Variants in VTI1A observed in about 807,000 individuals in gnomAD.
VTI1A encodes vesicle transport through interaction with t-SNAREs homolog 1A.
Under a neutral mutation model 34.9 loss-of-function variants are expected in VTI1A, and 22 were observed. The observed-to-expected ratio is 0.63, with a 90% CI of 0.45 to 0.90. The LOEUF is 0.90. Ranked by LOEUF, VTI1A falls within the 40% of genes least tolerant of loss-of-function variation. The pLI is 0.00. For synonymous variants in VTI1A, 87 were observed against 97.3 expected, an observed-to-expected ratio of 0.89 and a Z score of 0.62; for missense variants, 268 against 275.6, an observed-to-expected ratio of 0.97 and a Z score of 0.20.
At chr10:112,748,727 G>A (rs760016807) in intron 7 of VTI1A, among the ~76,000 whole-genome samples, 9 of 143,692 alleles carry the variant, frequency 6.3e-5, no homozygotes, top group Non-Finnish European at 1.2e-4. Flanking sequence ...CCGGGTTCAC[G>A]CCATTCTCCT....
chr10:112,517,081 C>G (rs1168212236), intron 3 of VTI1A, among the ~76,000 whole-genome samples: 1 of 151,856 alleles, frequency 6.6e-6, no homozygotes, highest in East Asian at 1.9e-4. Flanking sequence ...AGGACGGAGA[C>G]CTAGGGGAAC....
At chr10:112,790,763 CG>C (rs911980933) in intron 7 of VTI1A, among the ~76,000 whole-genome samples, 10 of 125,736 alleles carry the variant, frequency 8.0e-5, no homozygotes, top group Admixed American at 1.7e-4. Flanking sequence ...CACTAAAAGA[CG>C]TTTTTTTTTT....
intron 1 of VTI1A, among the ~76,000 whole-genome samples, chr10:112,454,517 C>A (rs1847357688): frequency 6.6e-6 from 1 of 151,994 alleles, no homozygotes; most frequent in African/African-American, 2.4e-5. Flanking sequence ...TGGGAGGACA[C>A]CTTGAACCCA....
intron 5 of VTI1A, among the ~76,000 whole-genome samples, chr10:112,595,473 A>C (rs973964312): frequency 2.6e-5 from 4 of 152,112 alleles, no homozygotes; most frequent in East Asian, 1.9e-4. Context: ...AAGAAAAAAA[A>C]CAAACAACCC....
Position 112,815,670 on chromosome 10 carries a change from C to A in VTI1A, c.*287C>A. 1 of 438,224 alleles carries A rather than the reference C, an allele frequency of 2.3e-6. No individual in the cohort carries two copies. The highest frequency in any genetic ancestry group is 4.2e-6 in the Non-Finnish European group (1 of 236,358). 27.1% of individuals were successfully genotyped at this position (438,224 alleles called of 1,614,324 possible). On this transcript the variant is annotated 3_prime_UTR_variant, in exon 8 of 8. Transcript: ENST00000393077. ...TGTCATCAACTAGCCAAAATAGCCC[C>A]AGTGACACTCCTAGCCCTCTGGACG...
chr10:112,769,133 T>G (rs1454772801), intron 7 of VTI1A, among the ~76,000 whole-genome samples: 2 of 152,098 alleles, frequency 1.3e-5, no homozygotes, highest in African/African-American at 4.8e-5. Context: ...CCAAATAAAT[T>G]TTGTGTGAAA....
intron 1 of VTI1A, among the ~76,000 whole-genome samples, chr10:112,456,732 C>T (rs545483513): frequency 6.6e-6 from 1 of 152,286 alleles, no homozygotes; most frequent in East Asian, 1.9e-4. Context: ...GCTGCCCTGC[C>T]CTCTGTAGGT....
rs1250394926 is a variant in VTI1A at position 112,816,809 on chromosome 10, G to GA, written c.*1427dup. On this transcript the variant is annotated 3_prime_UTR_variant, in exon 8 of 8. Coordinates refer to ENST00000393077, the MANE Select transcript of VTI1A (RefSeq NM_145206.4). Reference sequence around the variant, plus strand: ...TCAATATCACCTGGATGTAGTGCTTGATATTTTTCCCAACTCAGAAGAAAA... The same window carrying GA: ...TCAATATCACCTGGATGTAGTGCTTGAATATTTTTCCCAACTCAGAAGAAAA... The GA allele has an allele frequency of 1.3e-5, 3 of 229,488 alleles. No homozygotes were observed. Among genetic ancestry groups the GA allele is most frequent in the Non-Finnish European group, 2.6e-5 (3 of 115,726 alleles). 14.2% of individuals were successfully genotyped at this position (229,488 alleles called of 1,614,324 possible). A position where few individuals can be genotyped will look rare whatever the true frequency, so the allele number is the denominator to read the frequency against.
intron 7 of VTI1A, among the ~76,000 whole-genome samples, chr10:112,792,982 G>T (rs1783508710): frequency 6.6e-6 from 1 of 152,186 alleles, no homozygotes; most frequent in South Asian, 2.1e-4. Flanking sequence ...AAAAGCCTGT[G>T]ATGCACTCTT....
At chr10:112,591,982 G>C (rs151166804) in intron 5 of VTI1A, among the ~76,000 whole-genome samples, 164 of 152,308 alleles carry the variant, frequency 1.1e-3, no homozygotes, top group Non-Finnish European at 2.0e-3. Context: ...ATTTGAACGT[G>C]AGAAGGACCA....
intron 7 of VTI1A, among the ~76,000 whole-genome samples, chr10:112,716,169 A>G (rs1352682438): frequency 6.6e-6 from 1 of 152,154 alleles, no homozygotes; most frequent in Non-Finnish European, 1.5e-5. Context: ...AAAATTTCTG[A>G]CGAAGTGTTC....
intron 5 of VTI1A, among the ~76,000 whole-genome samples, chr10:112,608,510 A>T (rs1214592437): frequency 6.6e-6 from 1 of 152,300 alleles, no homozygotes; most frequent in South Asian, 2.1e-4. Context: ...TGAAATGACC[A>T]CTTAAACCAC....
chr10:112,734,783 G>T (rs1394573487), intron 7 of VTI1A, among the ~76,000 whole-genome samples: 4 of 151,742 alleles, frequency 2.6e-5, no homozygotes, highest in African/African-American at 9.7e-5. Context: ...CTCCCGAATA[G>T]CTGGGATTAC....
intron 7 of VTI1A, among the ~76,000 whole-genome samples, chr10:112,748,255 C>A (rs1384435204): frequency 6.6e-6 from 1 of 152,098 alleles, no homozygotes; most frequent in East Asian, 1.9e-4. Context: ...ATACAGCAAT[C>A]CAATTTGGGG....
chr10:112,805,563 T>C (rs1256156799), intron 7 of VTI1A, among the ~76,000 whole-genome samples: 1 of 152,244 alleles, frequency 6.6e-6, no homozygotes, highest in East Asian at 1.9e-4. Flanking sequence ...AGAATATGAC[T>C]TTATTTGGAA....
chr10:112,781,144 C>T (rs1852112730), intron 7 of VTI1A, among the ~76,000 whole-genome samples: 1 of 151,932 alleles, frequency 6.6e-6, no homozygotes, highest in African/African-American at 2.4e-5. Context: ...GGGGTTTCAC[C>T]ATGTTACCCA....
At chr10:112,498,648 A>G (rs1849113136) in intron 3 of VTI1A, among the ~76,000 whole-genome samples, 1 of 152,216 alleles carries the variant, frequency 6.6e-6, no homozygotes, top group Admixed American at 6.5e-5. Context: ...TGTGGGATAC[A>G]TTCATTGTAA....
At chr10:112,670,346 T>C (rs528019258) in intron 7 of VTI1A, among the ~76,000 whole-genome samples, 1 of 152,266 alleles carries the variant, frequency 6.6e-6, no homozygotes, top group South Asian at 2.1e-4. Context: ...AAAAAAATGA[T>C]GTGGTTATTT....
chr10:112,742,364 C>T (rs1399061108), intron 7 of VTI1A, among the ~76,000 whole-genome samples: 1 of 152,182 alleles, frequency 6.6e-6, no homozygotes, highest in East Asian at 1.9e-4. Flanking sequence ...CAGCTTGATA[C>T]AGAACCCCAG....
Sources: allele counts gnomAD v4.1 joint callset (sites outside exome capture counted in the v4.1 genomes callset), GRCh38; gene constraint gnomAD v4.1.1; transcripts MANE v1.5; gene names NCBI Gene and HGNC (gene_info 2026-07-23, HGNC 2026-07-21).